Variants in IL6ST observed in about 807,000 individuals in gnomAD.
IL6ST encodes the protein interleukin 6 cytokine family signal transducer.
IL6ST carries 24 observed loss-of-function variants against 91.3 expected under a neutral mutation model. The ratio of observed to expected loss-of-function variants is 0.26; its 90% CI spans 0.19 to 0.37. The LOEUF is 0.37. Ranked by LOEUF, IL6ST falls within the 10% of genes least tolerant of loss-of-function variation. The probability of loss-of-function intolerance (pLI) is 1.00; values close to 1 mark genes in which losing one functional copy is unlikely to be tolerated. For missense variants in IL6ST, 914 were observed against 1,078.5 expected, an observed-to-expected ratio of 0.85 and a Z score of 2.14; for synonymous variants, 351 against 373.6, an observed-to-expected ratio of 0.94 and a Z score of 0.70.
chr5:55,940,982 T>G lies in IL6ST; in HGVS notation c.*100A>C. ...TGTCCTTAAGGGCAAATGATCATCT[T>G]CAGAGAGTGAAGACTTTTTAAAATC... On this transcript the variant is annotated 3_prime_UTR_variant, in exon 17 of 17. Coordinates refer to ENST00000381298, the MANE Select transcript of IL6ST (RefSeq NM_002184.4). 8.2e-7 allele frequency: 1 copy of G among 1,213,238 alleles called. No homozygotes were observed. The highest frequency in any genetic ancestry group is 2.4e-5 in the Admixed American group (1 of 42,292). 75.2% of individuals were successfully genotyped at this position (1,213,238 alleles called of 1,614,324 possible). A position where few individuals can be genotyped will look rare whatever the true frequency, so the allele number is the denominator to read the frequency against.
intron 2 of IL6ST, among the ~76,000 whole-genome samples, chr5:55,980,518 C>G (rs953951466): frequency 2.6e-5 from 4 of 151,986 alleles, no homozygotes; most frequent in Non-Finnish European, 5.9e-5. Context: ...CCACTGCACT[C>G]CAGGCTGGGC....
intron 3 of IL6ST, among the ~76,000 whole-genome samples, chr5:55,972,604 C>T (rs993716233): frequency 6.6e-6 from 1 of 152,098 alleles, no homozygotes; most frequent in South Asian, 2.1e-4. Flanking sequence ...TACAGGGCTA[C>T]CAGGCTGAGA....
chr5:55,971,653 C>A lies in IL6ST; in HGVS notation c.65-1798G>T, dbSNP rs1317954164. Among the ~76,000 whole-genome samples, 5 of 152,052 alleles carry A rather than the reference C, an allele frequency of 3.3e-5. No homozygotes were observed. In the South Asian group the frequency reaches 8.3e-4, roughly 25 times the overall value. ...TGGGCAACATGGCAAAACCCCATCT[C>A]TACAAAAAAAATATAAATATTAGCC... is the stretch of plus-strand genomic sequence containing the variant. On this transcript the variant is annotated intron_variant, in intron 3 of 16. Coordinates refer to ENST00000381298, the MANE Select transcript of IL6ST (RefSeq NM_002184.4).
intron 14 of IL6ST, 30 bp from the exon 15 acceptor site, chr5:55,947,619 A>C (rs1554023371): frequency 9.4e-7 from 1 of 1,063,632 alleles, no homozygotes. Flanking sequence ...AAAAAAAAAG[A>C]GGTGTGATGG....
chr5:55,974,118 G>A (rs541771894), intron 3 of IL6ST, among the ~76,000 whole-genome samples: 5 of 152,116 alleles, frequency 3.3e-5, no homozygotes, highest in Non-Finnish European at 7.4e-5. Flanking sequence ...ACATAGTTAC[G>A]TAACTTTATA....
intron 1 of IL6ST, among the ~76,000 whole-genome samples, chr5:55,990,617 T>C (rs1410136175): frequency 6.6e-6 from 1 of 152,204 alleles, no homozygotes; most frequent in East Asian, 1.9e-4. Flanking sequence ...CTTGGATCTT[T>C]CTTTTAATTC....
chr5:55,939,765 G>C lies in IL6ST; in HGVS notation c.*1317C>G. On this transcript the variant is annotated 3_prime_UTR_variant, in exon 17 of 17. Transcript: ENST00000381298. ...GCTTTAGCACTAAACTCGAGGCCTG[G>C]GTCACTTCTCCCTTGAAGAAAAAAG... 1 of 207,446 alleles carries C rather than the reference G, an allele frequency of 4.8e-6. No homozygotes were observed. Among genetic ancestry groups the C allele is most frequent in the East Asian group, 7.3e-5 (1 of 13,752 alleles). The allele number at this position is 207,446 out of a possible 1,614,324, so 12.9% of individuals were successfully genotyped here. A position where few individuals can be genotyped will look rare whatever the true frequency, so the allele number is the denominator to read the frequency against.
chr5:55,988,354 A>T (rs188002548), intron 1 of IL6ST, among the ~76,000 whole-genome samples: 9 of 152,212 alleles, frequency 5.9e-5, no homozygotes, highest in African/African-American at 2.2e-4. Flanking sequence ...AAAGAGTGAG[A>T]ATCACATGAC....
At chr5:55,973,264 C>CTA (rs1554026961) in intron 3 of IL6ST, among the ~76,000 whole-genome samples, 43 of 135,912 alleles carry the variant, frequency 3.2e-4, no homozygotes, top group African/African-American at 1.4e-3. Flanking sequence ...TTATCCCATC[C>CTA]CACGTTTTTC....
chr5:55,976,212 T>C lies in IL6ST; in HGVS notation c.64+3A>G, dbSNP rs374563005. On this transcript the variant is annotated splice_donor_region_variant and intron_variant, in intron 3 of 16. Coordinates refer to ENST00000381298, the MANE Select transcript of IL6ST (RefSeq NM_002184.4). ...AGAAGATAGGGTATTTCATGAACCTTACCTGTAGATTCAGTGGTGAGGAAA... is the reference window on the plus strand; with the variant it reads ...AGAAGATAGGGTATTTCATGAACCTCACCTGTAGATTCAGTGGTGAGGAAA... The C allele has an allele frequency of 7.8e-6, 12 of 1,543,578 alleles. No individual in the cohort carries two copies. In the African/African-American group the frequency reaches 1.5e-4, roughly 19 times the overall value.
At chr5:55,951,828 C>T (rs1273305087) in intron 13 of IL6ST, 101 bp downstream of exon 13, 3 of 805,810 alleles carry the variant, frequency 3.7e-6, no homozygotes, top group South Asian at 1.9e-5. Flanking sequence ...TCTCCTGAGG[C>T]CAATATACTA....
intron 8 of IL6ST, among the ~76,000 whole-genome samples, chr5:55,958,631 A>G (rs956176624): frequency 1.3e-5 from 2 of 152,118 alleles, no homozygotes; most frequent in African/African-American, 4.8e-5. Flanking sequence ...TCAGTTCAGT[A>G]GTTCAAGACC....
chr5:55,961,590 T>C (rs1189155955), intron 7 of IL6ST, among the ~76,000 whole-genome samples: 2 of 152,000 alleles, frequency 1.3e-5, no homozygotes, highest in East Asian at 3.9e-4. Flanking sequence ...AAACCCCATC[T>C]CTACTAAAAA....
chr5:55,945,612 T>A (rs1233621278), intron 15 of IL6ST, among the ~76,000 whole-genome samples: 1 of 143,676 alleles, frequency 7.0e-6, no homozygotes, highest in Non-Finnish European at 1.5e-5. Flanking sequence ...GAAAAAAAAC[T>A]GATAAAATGA....
chr5:55,971,762 A>AGTTG (rs1466182955), intron 3 of IL6ST, among the ~76,000 whole-genome samples: 2 of 152,106 alleles, frequency 1.3e-5, no homozygotes, highest in Non-Finnish European at 2.9e-5. Flanking sequence ...TGAGCCCAAG[A>AGTTG]GGTCAAGGCT....
chr5:55,948,600 G>GTA lies in IL6ST; in HGVS notation c.1841-1013_1841-1012dup, dbSNP rs201552683. Among the ~76,000 whole-genome samples, 603 of 151,658 alleles carry GTA rather than the reference G, an allele frequency of 4.0e-3. 3 individuals are homozygous for GTA. The highest frequency in any genetic ancestry group is 8.9e-3 in the African/African-American group (370 of 41,358). ...TGTGTGTATATATTGATATATGTGT[G>GTA]TATATATATATTGATATGGGTATGT... On this transcript the variant is annotated intron_variant, in intron 14 of 16. Coordinates refer to ENST00000381298, the MANE Select transcript of IL6ST (RefSeq NM_002184.4).
At chr5:55,971,678 C>T (rs554244026) in intron 3 of IL6ST, among the ~76,000 whole-genome samples, 18 of 152,150 alleles carry the variant, frequency 1.2e-4, no homozygotes, top group African/African-American at 4.1e-4. Flanking sequence ...AAATATTAGC[C>T]AGGCATGGTG....
intron 5 of IL6ST, among the ~76,000 whole-genome samples, chr5:55,965,901 A>G (rs556716774): frequency 6.6e-6 from 1 of 152,260 alleles, no homozygotes; most frequent in East Asian, 1.9e-4. Context: ...GAGTTAAAAC[A>G]TATCAAATAT....
chr5:55,955,182 G>C (rs1751878918), intron 10 of IL6ST, among the ~76,000 whole-genome samples, 190 bp from the exon 11 acceptor site: 1 of 152,168 alleles, frequency 6.6e-6, no homozygotes, highest in Non-Finnish European at 1.5e-5. Context: ...TCCCCGCTGG[G>C]CACTGTGGCT....
Sources: allele counts gnomAD v4.1 joint callset (sites outside exome capture counted in the v4.1 genomes callset), GRCh38; gene constraint gnomAD v4.1.1; transcripts MANE v1.5; gene names NCBI Gene and HGNC (gene_info 2026-07-23, HGNC 2026-07-21).